The following DENND1A variants were observed in gnomAD, a reference collection of about 807,000 sequenced individuals.
DENND1A encodes DENN domain-containing protein 1A.
In DENND1A, 51 loss-of-function variants were observed where a neutral mutation model predicts 113.7. The ratio of observed to expected loss-of-function variants is 0.45; its 90% CI spans 0.36 to 0.57. The LOEUF is 0.57. Ranked by LOEUF, DENND1A falls within the 20% of genes least tolerant of loss-of-function variation. DENND1A has a pLI of 0.00. For synonymous variants in DENND1A, 565 were observed against 570.8 expected, an observed-to-expected ratio of 0.99 and a Z score of 0.14; for missense variants, 1,258 against 1,395.9, an observed-to-expected ratio of 0.90 and a Z score of 1.57.
intron 8 of DENND1A, among the ~76,000 whole-genome samples, chr9:123,659,079 TA>T (rs1019997997): frequency 1.3e-5 from 2 of 152,202 alleles, no homozygotes; most frequent in South Asian, 2.1e-4. Flanking sequence ...TTTCATAACA[TA>T]ACAAACAGTG....
chr9:123,674,185 C>A (rs2063904249), intron 6 of DENND1A, among the ~76,000 whole-genome samples: 1 of 152,142 alleles, frequency 6.6e-6, no homozygotes, highest in Non-Finnish European at 1.5e-5. Flanking sequence ...CAGATGCCTG[C>A]CTTGCCCTGC....
intron 19 of DENND1A, among the ~76,000 whole-genome samples, chr9:123,421,556 A>G (rs2045306215): frequency 6.6e-6 from 1 of 152,148 alleles, no homozygotes; most frequent in Non-Finnish European, 1.5e-5. Flanking sequence ...TTGTCTTTGC[A>G]GCCGCCTGCA....
At chr9:123,466,581 G>A (rs1279838558) in intron 13 of DENND1A, among the ~76,000 whole-genome samples, 1 of 152,204 alleles carries the variant, frequency 6.6e-6, no homozygotes, top group African/African-American at 2.4e-5. Context: ...ACAGGCGTGA[G>A]CCACTGCACC....
At chr9:123,741,385 G>A (rs1387415374) in intron 5 of DENND1A, among the ~76,000 whole-genome samples, 2 of 152,114 alleles carry the variant, frequency 1.3e-5, no homozygotes, top group Non-Finnish European at 1.5e-5. Context: ...CACCATCAAT[G>A]TCAACAATGT....
intron 5 of DENND1A, among the ~76,000 whole-genome samples, chr9:123,755,570 A>AT (rs1262756075): frequency 1.4e-5 from 2 of 146,992 alleles, no homozygotes; most frequent in Admixed American, 1.4e-4. Flanking sequence ...CAATATGTGG[A>AT]TTTTTTAAAG....
chr9:123,915,761 A>G (rs546921883), intron 1 of DENND1A, among the ~76,000 whole-genome samples: 1 of 152,314 alleles, frequency 6.6e-6, no homozygotes, highest in African/African-American at 2.4e-5. Flanking sequence ...AAAGAGTGGG[A>G]CTAGGGAAGA....
At position 123,671,273 on chromosome 9, in the gene DENND1A, A is replaced by G. The variant is rs2063749579; in HGVS notation, c.453+18T>C. 1 of 1,613,642 alleles carries G rather than the reference A, an allele frequency of 6.2e-7. No individual in the cohort carries two copies. Among genetic ancestry groups the G allele is most frequent in the Admixed American group, 1.7e-5 (1 of 59,998 alleles). ...TGAAATGCGTTTTCAGTGATGGCTAATACTCCGCCCCACTTACCACGCTGA... is the reference window on the plus strand; with the variant it reads ...TGAAATGCGTTTTCAGTGATGGCTAGTACTCCGCCCCACTTACCACGCTGA... On this transcript the variant is annotated intron_variant, in intron 7 of 23. Transcript: ENST00000394215.
chr9:123,695,975 G>T (rs1349848624), intron 5 of DENND1A, among the ~76,000 whole-genome samples: 4 of 129,896 alleles, frequency 3.1e-5, no homozygotes, highest in East Asian at 2.2e-4. Flanking sequence ...TCCTTTTTCT[G>T]TTAATACAAA....
intron 2 of DENND1A, among the ~76,000 whole-genome samples, chr9:123,811,493 C>T (rs1414224858): frequency 1.3e-5 from 2 of 152,236 alleles, no homozygotes; most frequent in African/African-American, 2.4e-5. Flanking sequence ...GGCATGGTGG[C>T]TCATGCCTGT....
At chr9:123,828,653 A>AG (rs1839745297) in intron 2 of DENND1A, among the ~76,000 whole-genome samples, 1 of 151,278 alleles carries the variant, frequency 6.6e-6, no homozygotes, top group African/African-American at 2.4e-5. Flanking sequence ...AAAAAAAAAG[A>AG]AAAAAAAATT....
At chr9:123,414,514 A>G (rs2044564622) in intron 19 of DENND1A, 2 of 1,547,392 alleles carry the variant, frequency 1.3e-6, no homozygotes, top group South Asian at 1.2e-5. Flanking sequence ...GTGAAGGGAA[A>G]AAAGGAGGTT....
intron 21 of DENND1A, among the ~76,000 whole-genome samples, chr9:123,402,124 A>G (rs1044771489): frequency 6.6e-6 from 1 of 152,314 alleles, no homozygotes; most frequent in East Asian, 1.9e-4. Flanking sequence ...ATCATAATCC[A>G]TCCCTCATGT....
chr9:123,557,735 G>A (rs377648075), intron 12 of DENND1A, 40 bp from the exon 13 acceptor site: 8 of 1,608,740 alleles, frequency 5.0e-6, no homozygotes. Context: ...TGAGGACAGG[G>A]TCAAAGTAGG....
At chr9:123,701,759 ACAGCAATCTGAGGATTAGGGAC>A (rs2065898231) in intron 5 of DENND1A, among the ~76,000 whole-genome samples, 1 of 152,248 alleles carries the variant, frequency 6.6e-6, no homozygotes, top group African/African-American at 2.4e-5. Context: ...TACCACAGCT[ACAGCAATCTGAGGATTAGGGAC>A]CAGACCAGAC....
At chr9:123,717,316 C>T (rs940379331) in intron 5 of DENND1A, among the ~76,000 whole-genome samples, 1 of 152,136 alleles carries the variant, frequency 6.6e-6, no homozygotes, top group Non-Finnish European at 1.5e-5. Flanking sequence ...GGGGTCTATA[C>T]CATGGGCCAT....
intron 2 of DENND1A, among the ~76,000 whole-genome samples, chr9:123,852,944 AATC>A (rs1307224363): frequency 6.6e-6 from 1 of 150,870 alleles, no homozygotes; most frequent in African/African-American, 2.4e-5. Flanking sequence ...TTTGAGATGG[AATC>A]CTGCTCTGTC....
At chr9:123,793,855 A>C (rs1752163) in intron 2 of DENND1A, among the ~76,000 whole-genome samples, 21,576 of 152,168 alleles carry the variant, frequency 0.14, 2,255 homozygotes, top group African/African-American at 0.29. Context: ...TTATGCCAAA[A>C]GTAGAGCCTC....
At chr9:123,735,338 C>T (rs2068483981) in intron 5 of DENND1A, among the ~76,000 whole-genome samples, 2 of 152,160 alleles carry the variant, frequency 1.3e-5, no homozygotes, top group Admixed American at 1.3e-4. Flanking sequence ...TGAGGTGAGT[C>T]CTTATCTCTG....
At chr9:123,755,122 T>C (rs2070407926) in intron 5 of DENND1A, among the ~76,000 whole-genome samples, 1 of 70,464 alleles carries the variant, frequency 1.4e-5, no homozygotes, top group Admixed American at 1.3e-4. Context: ...TATACACAGA[T>C]TTTTTTTTTT....
Sources: allele counts gnomAD v4.1 joint callset (sites outside exome capture counted in the v4.1 genomes callset), GRCh38; gene constraint gnomAD v4.1.1; transcripts MANE v1.5; gene names NCBI Gene and HGNC (gene_info 2026-07-23, HGNC 2026-07-21).